Variants in INPP5B observed in about 807,000 individuals in gnomAD.
The protein encoded by INPP5B is inositol polyphosphate-5-phosphatase B.
INPP5B carries 90 observed loss-of-function variants against 118.5 expected under a neutral mutation model. That is an observed-to-expected ratio of 0.76 (90% confidence interval 0.64 to 0.90). INPP5B has a LOEUF of 0.90. Ranked by LOEUF, INPP5B falls within the 40% of genes least tolerant of loss-of-function variation. The probability of loss-of-function intolerance (pLI) is 0.00; values close to 1 mark genes in which losing one functional copy is unlikely to be tolerated. For synonymous variants in INPP5B, 385 were observed against 418.9 expected (o/e 0.92, Z 0.99); for missense variants, 984 against 1,125.6 (o/e 0.87, Z 1.80).
intron 9 of INPP5B, 95 bp from the exon 10 acceptor site, chr1:37,888,439 T>G: frequency 1.4e-6 from 1 of 696,912 alleles, no homozygotes; most frequent in South Asian, 2.7e-5. Context: ...TCCGTCTCTG[T>G]GGACTGGCAT....
chr1:37,882,912 G>T lies in INPP5B; in HGVS notation c.1326C>A (p.Ile442=). 1 of 1,614,096 alleles carries T rather than the reference G, an allele frequency of 6.2e-7. No homozygotes were observed. Among genetic ancestry groups the T allele is most frequent in the Non-Finnish European group, 8.5e-7 (1 of 1,179,994 alleles). The part of the protein sequence containing the change: ...PPLTISNHDV[I]LWLGDLNYRI... Reference sequence around the variant, plus strand: ...TGTAGTTGAGGTCCCCCAGCCACAAGATCACACTGTGAGGACAGAGCACAA... The same window carrying T: ...TGTAGTTGAGGTCCCCCAGCCACAATATCACACTGTGAGGACAGAGCACAA... The change falls in exon 14 of 24, where the codon ATC becomes ATA. Residue 442 remains isoleucine (I), a synonymous_variant. Coordinates refer to ENST00000373024, the MANE Select transcript of INPP5B (RefSeq NM_005540.3).
intron 6 of INPP5B, among the ~76,000 whole-genome samples, chr1:37,939,207 A>G (rs1303318544): frequency 2.0e-5 from 3 of 148,140 alleles, no homozygotes; most frequent in Admixed American, 1.3e-4. Context: ...AAAAAAAAAA[A>G]AAAAAAATCA....
Position 37,904,195 on chromosome 1 carries a change from C to T in INPP5B, c.533-12741G>A, listed in dbSNP as rs1021219305. Among the ~76,000 whole-genome samples, 5 of 151,874 alleles carry T rather than the reference C, an allele frequency of 3.3e-5. No individual in the cohort carries two copies. In the East Asian group the frequency reaches 5.8e-4, roughly 18 times the overall value. On this transcript the variant is annotated intron_variant, in intron 7 of 23. Coordinates refer to ENST00000373024, the MANE Select transcript of INPP5B (RefSeq NM_005540.3). Reference sequence around the variant, plus strand: ...AAAAAATTAGTCAGGCATGGTGATGCGTGCCTGTAGTCCCATCTACTCAGG... The same window carrying T: ...AAAAAATTAGTCAGGCATGGTGATGTGTGCCTGTAGTCCCATCTACTCAGG...
At chr1:37,895,622 C>T (rs1285673540) in intron 7 of INPP5B, among the ~76,000 whole-genome samples, 1 of 152,050 alleles carries the variant, frequency 6.6e-6, no homozygotes, top group African/African-American at 2.4e-5. Flanking sequence ...GCCTGATTCT[C>T]CTGCCTCAGC....
At chr1:37,890,651 G>GA in intron 8 of INPP5B, among the ~76,000 whole-genome samples, 1 of 151,964 alleles carries the variant, frequency 6.6e-6, no homozygotes, top group South Asian at 2.1e-4. Context: ...AATAAAACAG[G>GA]AAAAAAAGTC....
chr1:37,894,383 T>C (rs1396324946), intron 7 of INPP5B, among the ~76,000 whole-genome samples: 1 of 152,038 alleles, frequency 6.6e-6, no homozygotes, highest in African/African-American at 2.4e-5. Flanking sequence ...ACTGTAGGTG[T>C]TTTTTCTTCC....
intron 7 of INPP5B, among the ~76,000 whole-genome samples, chr1:37,918,210 C>T (rs539150745): frequency 1.3e-5 from 2 of 152,276 alleles, no homozygotes; most frequent in East Asian, 3.9e-4. Flanking sequence ...GATCTTCCCA[C>T]TTCTCCCTAC....
At position 37,940,710 on chromosome 1, in the gene INPP5B, G is replaced by A. The variant is rs376311253; in HGVS notation, c.369C>T (p.His123=). The change falls in exon 6 of 24, where the codon CAC becomes CAT. Residue 123 remains histidine (H), a synonymous_variant. Transcript: ENST00000373024. ...TACCTGGACAGGCCCTGGCAACTTCGTGGAGGAACATCCTGGTTTGTGAAC... is the reference window on the plus strand; with the variant it reads ...TACCTGGACAGGCCCTGGCAACTTCATGGAGGAACATCCTGGTTTGTGAAC... ...PFGSQTRMFL[H]EVARACPGFD... The A allele has an allele frequency of 5.6e-5, 91 of 1,613,698 alleles. No homozygotes were observed. Among genetic ancestry groups the A allele is most frequent in the Middle Eastern group, 3.3e-4 (2 of 6,062 alleles).
intron 10 of INPP5B, 68 bp from the exon 11 acceptor site, chr1:37,887,533 G>T: frequency 1.1e-6 from 1 of 914,586 alleles, no homozygotes; most frequent in South Asian, 1.5e-5. Context: ...TCTCAGATTG[G>T]TTTAGGTGCA....
intron 5 of INPP5B, chr1:37,941,958 A>AAAAAAAAAAAAAAAATATATATATATAT (rs1427344681): frequency 3.3e-5 from 1 of 30,358 alleles, no homozygotes. Context: ...AAAAAAAAAA[A>AAAAAAAAAAAAAAAATATATATATATAT]ATATATATAT....
In INPP5B at chr1:37,931,964, C is replaced by A; in HGVS notation, c.481G>T (p.Gly161Cys). 1 of 1,614,042 alleles carries A rather than the reference C, an allele frequency of 6.2e-7. No homozygotes were observed. The highest frequency in any genetic ancestry group is 1.7e-5 in the Admixed American group (1 of 60,014). ...CAGGTAACTAGGGCCGAGTTACAAC[C>A]GCGCGGCGTTGGCATCTCCAGCTCC... ...ELELEMPTPR[G>C]CNSALVTWPG... is the part of the protein sequence containing the mutation. Residue 161 changes from glycine (G) to cysteine (C), a missense_variant, in exon 7 of 24, where the codon GGT (glycine) becomes TGT (cysteine). Coordinates refer to ENST00000373024, the MANE Select transcript of INPP5B (RefSeq NM_005540.3).
chr1:37,862,954 G>A (rs940352529), intron 23 of INPP5B, among the ~76,000 whole-genome samples: 2 of 152,180 alleles, frequency 1.3e-5, no homozygotes, highest in Admixed American at 1.3e-4. Context: ...GGGGGGTTGT[G>A]GGGGAGGCAG....
intron 7 of INPP5B, among the ~76,000 whole-genome samples, chr1:37,914,702 A>G (rs1288887029): frequency 6.6e-6 from 1 of 152,036 alleles, no homozygotes; most frequent in East Asian, 1.9e-4. Context: ...TTCTCACATA[A>G]CTCAGTGCTT....
chr1:37,884,529 C>T lies in INPP5B; in HGVS notation c.1319+1109G>A, dbSNP rs185101622. On this transcript the variant is annotated intron_variant, in intron 13 of 23. Transcript: ENST00000373024. ...AACTCCCGGGCTCAATCGATCCCCCCACCTCAGCCTCCTAAAATGCTGGGA... is the reference window on the plus strand; with the variant it reads ...AACTCCCGGGCTCAATCGATCCCCCTACCTCAGCCTCCTAAAATGCTGGGA... 3.3e-5 allele frequency among the ~76,000 whole-genome samples: 5 copies of T among 152,112 alleles called. No homozygotes were observed. In the South Asian group the frequency reaches 6.2e-4, roughly 19 times the overall value.
intron 7 of INPP5B, among the ~76,000 whole-genome samples, chr1:37,922,412 G>A (rs112449587): frequency 1.3e-4 from 20 of 151,156 alleles, no homozygotes; most frequent in South Asian, 6.3e-4. Flanking sequence ...GCTGGGCTCC[G>A]TTTCAAAAAA....
chr1:37,873,046 A>G lies in INPP5B; in HGVS notation c.2071T>C (p.Tyr691His). ...LVLHLDRGKDYFLSVSGNYLP... is the reference protein window; with the variant it reads ...LVLHLDRGKDHFLSVSGNYLP... ...TAGTTCCCAGACACAGACAAAAAGT[A>G]ATCCTTTCCCCTGTCCAAGTGCAGA... is the stretch of plus-strand genomic sequence containing the variant. The change falls in exon 19 of 24, where the codon TAC (tyrosine) becomes CAC (histidine). Residue 691 changes from tyrosine (Y) to histidine (H), a missense_variant. Coordinates refer to ENST00000373024, the MANE Select transcript of INPP5B (RefSeq NM_005540.3). The G allele has an allele frequency of 2.5e-6, 4 of 1,614,162 alleles. No individual in the cohort carries two copies. The highest frequency in any genetic ancestry group is 2.5e-6 in the Non-Finnish European group (3 of 1,180,008).
At chr1:37,883,841 A>T in intron 13 of INPP5B, 1 of 985,478 alleles carries the variant, frequency 1.0e-6, no homozygotes, top group Non-Finnish European at 1.2e-6. Flanking sequence ...TCCTTGGCAG[A>T]TATCACGGCC....
chr1:37,900,983 T>C (rs1644311458), intron 7 of INPP5B, among the ~76,000 whole-genome samples: 1 of 152,100 alleles, frequency 6.6e-6, no homozygotes, highest in Non-Finnish European at 1.5e-5. Flanking sequence ...AGCTAATTTT[T>C]GTATTTTTCG....
At chr1:37,895,196 A>C (rs1446204886) in intron 7 of INPP5B, among the ~76,000 whole-genome samples, 1 of 152,234 alleles carries the variant, frequency 6.6e-6, no homozygotes, top group Non-Finnish European at 1.5e-5. Flanking sequence ...ACAAGGATGC[A>C]GAGGAGCCAT....
Sources: allele counts gnomAD v4.1 joint callset (sites outside exome capture counted in the v4.1 genomes callset), GRCh38; gene constraint gnomAD v4.1.1; transcripts MANE v1.5; gene names NCBI Gene and HGNC (gene_info 2026-07-23, HGNC 2026-07-21).